The following GRIK2 variants were observed in gnomAD, a reference collection of about 807,000 sequenced individuals.
GRIK2 encodes the protein glutamate receptor ionotropic, kainate 2.
Under a neutral mutation model 100.3 loss-of-function variants are expected in GRIK2, and 32 were observed. The ratio of observed to expected loss-of-function variants is 0.32; its 90% CI spans 0.24 to 0.43. GRIK2 has a LOEUF of 0.43. Among genes scored for constraint, GRIK2 ranks in the 20% least tolerant of loss-of-function variants. The pLI is 1.00. For missense variants in GRIK2, 843 were observed against 1,114.9 expected (o/e 0.76, Z 3.47); for synonymous variants, 417 against 389.4 (o/e 1.07, Z -0.83).
At position 101,936,751 on chromosome 6, in the gene GRIK2, A is replaced by G. The variant is rs149343150; in HGVS notation, c.2085+8119A>G. Among the ~76,000 whole-genome samples the G allele has an allele frequency of 7.2e-5, 11 of 152,262 alleles. No individual in the cohort carries two copies. The East Asian group carries it at 1.7e-3, about 24-fold the overall frequency. On this transcript the variant is annotated intron_variant, in intron 14 of 16. Transcript: ENST00000369134. The stretch of plus-strand genomic sequence containing the variant: ...TCAGCATGCCAAGTTAAAGCCATCA[A>G]TGGTGAAACAGCAGATGTGAAGGCT...
At chr6:101,903,448 A>C (rs1387665269) in intron 12 of GRIK2, among the ~76,000 whole-genome samples, 1 of 151,836 alleles carries the variant, frequency 6.6e-6, no homozygotes, top group Admixed American at 6.6e-5. Context: ...GTCTCTAAGC[A>C]GTATAACTGC....
At chr6:101,692,311 T>C (rs1454917999) in intron 7 of GRIK2, among the ~76,000 whole-genome samples, 1 of 152,090 alleles carries the variant, frequency 6.6e-6, no homozygotes, top group African/African-American at 2.4e-5. Context: ...TCATCTTATA[T>C]TGCACTAAAT....
At chr6:101,962,691 C>T (rs1169419981) in intron 14 of GRIK2, among the ~76,000 whole-genome samples, 1 of 152,048 alleles carries the variant, frequency 6.6e-6, no homozygotes, top group African/African-American at 2.4e-5. Context: ...TTTTTTGCTT[C>T]ATATTTTGGG....
At position 101,995,823 on chromosome 6, in the gene GRIK2, G is replaced by C. The variant is rs145625685; in HGVS notation, c.2086-39518G>C. Reference sequence around the variant, plus strand: ...AAAAGACAGGAATGAAAAATCTATGGTCATACCTATTCACAAAATTGTTTA... The same window carrying C: ...AAAAGACAGGAATGAAAAATCTATGCTCATACCTATTCACAAAATTGTTTA... On this transcript the variant is annotated intron_variant, in intron 14 of 16. Coordinates refer to ENST00000369134, the MANE Select transcript of GRIK2 (RefSeq NM_021956.5). 3.7e-3 allele frequency among the ~76,000 whole-genome samples: 555 copies of C among 151,842 alleles called. 2 individuals carry two copies. The highest frequency in any genetic ancestry group is 0.013 in the African/African-American group (531 of 41,464).
intron 2 of GRIK2, among the ~76,000 whole-genome samples, chr6:101,469,234 T>C (rs1771816476): frequency 6.6e-6 from 1 of 152,154 alleles, no homozygotes; most frequent in Non-Finnish European, 1.5e-5. Flanking sequence ...TCTAAACTAT[T>C]TTCACACGTA....
At chr6:101,462,168 A>G (rs1315062885) in intron 2 of GRIK2, among the ~76,000 whole-genome samples, 1 of 152,184 alleles carries the variant, frequency 6.6e-6, no homozygotes, top group Non-Finnish European at 1.5e-5. Context: ...AGGGCCTAAC[A>G]CTGTATAAGA....
intron 7 of GRIK2, 28 bp from the exon 8 acceptor site, chr6:101,799,620 A>G (rs1279256353): frequency 6.9e-6 from 11 of 1,595,110 alleles, no homozygotes; most frequent in South Asian, 3.3e-5. Context: ...TATATTGACT[A>G]TAAATTTCCC....
Position 101,859,050 on chromosome 6 carries a change from A to G in GRIK2, c.1318-237A>G, listed in dbSNP as rs182769663. Among the ~76,000 whole-genome samples the G allele has an allele frequency of 1.0e-3, 156 of 152,160 alleles. 1 individual carries two copies. The highest frequency in any genetic ancestry group is 3.5e-3 in the African/African-American group (145 of 41,556). ...ATATAAGATATACCATATTTTTGTT[A>G]TATAGTCATGGTGGGATTACAATAG... On this transcript the variant is annotated intron_variant, in intron 10 of 16. Transcript: ENST00000369134.
chr6:101,929,575 G>A (rs918900012), intron 14 of GRIK2, among the ~76,000 whole-genome samples: 6 of 152,130 alleles, frequency 3.9e-5, no homozygotes, highest in Non-Finnish European at 8.8e-5. Context: ...GACACATTGA[G>A]TATTCTAATT....
At chr6:101,780,292 C>T (rs1779008765) in intron 7 of GRIK2, among the ~76,000 whole-genome samples, 2 of 152,144 alleles carry the variant, frequency 1.3e-5, no homozygotes, top group African/African-American at 4.8e-5. Flanking sequence ...CTTTGCCCAT[C>T]ATAGTTTCAG....
chr6:101,790,297 G>T (rs890596739), intron 7 of GRIK2, among the ~76,000 whole-genome samples: 1 of 151,916 alleles, frequency 6.6e-6, no homozygotes, highest in East Asian at 1.9e-4. Context: ...TTTTCAAAGG[G>T]AATGCTTCCA....
At chr6:101,640,426 T>C (rs1255605804) in intron 4 of GRIK2, among the ~76,000 whole-genome samples, 1 of 152,184 alleles carries the variant, frequency 6.6e-6, no homozygotes, top group Non-Finnish European at 1.5e-5. Flanking sequence ...TTGCTCTTCC[T>C]CTCCAACTCA....
At chr6:101,759,617 G>T (rs1777357088) in intron 7 of GRIK2, among the ~76,000 whole-genome samples, 1 of 151,904 alleles carries the variant, frequency 6.6e-6, no homozygotes, top group African/African-American at 2.4e-5. Context: ...ATTCAGCAAT[G>T]GTCATTTGAG....
intron 2 of GRIK2, among the ~76,000 whole-genome samples, chr6:101,548,566 A>T (rs1281882632): frequency 6.6e-6 from 1 of 152,172 alleles, no homozygotes; most frequent in Non-Finnish European, 1.5e-5. Flanking sequence ...AGCACCATTT[A>T]TTAAATAGGG....
intron 2 of GRIK2, among the ~76,000 whole-genome samples, chr6:101,407,440 A>G (rs147780727): frequency 1.3e-5 from 2 of 152,192 alleles, no homozygotes; most frequent in Non-Finnish European, 1.5e-5. Flanking sequence ...AATTCAAAAA[A>G]CTGAATTTTG....
intron 14 of GRIK2, among the ~76,000 whole-genome samples, chr6:102,007,533 G>A (rs1795304486): frequency 6.6e-6 from 1 of 151,886 alleles, no homozygotes; most frequent in African/African-American, 2.4e-5. Context: ...TTATGGAGGT[G>A]GCAATACTAC....
intron 7 of GRIK2, 70 bp from the exon 8 acceptor site, chr6:101,799,578 C>T (rs1193413903): frequency 1.6e-6 from 2 of 1,271,468 alleles, no homozygotes; most frequent in East Asian, 4.6e-5. Context: ...CCTCTTCCTC[C>T]TTGCAAACCA....
intron 10 of GRIK2, among the ~76,000 whole-genome samples, chr6:101,820,328 C>T (rs1781877723): frequency 6.6e-6 from 1 of 151,902 alleles, no homozygotes; most frequent in African/African-American, 2.4e-5. Context: ...GGGTAGAAAA[C>T]ATCTGTAGCC....
intron 9 of GRIK2, among the ~76,000 whole-genome samples, chr6:101,809,866 G>C (rs566566385): frequency 6.6e-6 from 1 of 151,898 alleles, no homozygotes; most frequent in Non-Finnish European, 1.5e-5. Context: ...AGTGTGTATA[G>C]TTATTATTTT....
Sources: allele counts gnomAD v4.1 joint callset (sites outside exome capture counted in the v4.1 genomes callset), GRCh38; gene constraint gnomAD v4.1.1; transcripts MANE v1.5; gene names NCBI Gene and HGNC (gene_info 2026-07-23, HGNC 2026-07-21).